ABCC9: variants seen among roughly 807,000 people sequenced by gnomAD.
The protein encoded by ABCC9 is ATP binding cassette subfamily C member 9.
ABCC9 carries 95 observed loss-of-function variants against 188.3 expected under a neutral mutation model. The ratio of observed to expected loss-of-function variants is 0.50; its 90% CI spans 0.43 to 0.60. The LOEUF (loss-of-function observed/expected upper bound fraction) is 0.60. Among genes scored for constraint, ABCC9 ranks in the 20% least tolerant of loss-of-function variants. The probability of loss-of-function intolerance (pLI) is 0.00; values close to 1 mark genes in which losing one functional copy is unlikely to be tolerated. For synonymous variants in ABCC9, 659 were observed against 652.7 expected, an observed-to-expected ratio of 1.01 and a Z score of -0.15; for missense variants, 1,102 against 1,876.3, an observed-to-expected ratio of 0.59 and a Z score of 7.62.
intron 32 of ABCC9, 133 bp downstream of exon 32, chr12:21,818,017 A>AC: frequency 2.8e-5 from 8 of 286,584 alleles, no homozygotes; most frequent in East Asian, 8.5e-5. Context: ...CCTCACCCCC[A>AC]CCCCCCAATA....
rs377661298 is a variant in ABCC9, at chr12:21,886,513, A to G, written c.1911+1313T>C. ...TTCTAACCATCATCCTCTCCTGCCT[A>G]TATTATTATAATGACTTCTTTACTG... On this transcript the variant is annotated intron_variant, in intron 15 of 39. Coordinates refer to ENST00000261200, the MANE Select transcript of ABCC9 (RefSeq NM_020297.4). 3.2e-4 allele frequency among the ~76,000 whole-genome samples: 49 copies of G among 152,170 alleles called. No individual in the cohort carries two copies. In the South Asian group the frequency reaches 9.7e-3, roughly 30 times the overall value.
At chr12:21,877,535 C>G (rs946372194) in intron 16 of ABCC9, among the ~76,000 whole-genome samples, 3 of 152,110 alleles carry the variant, frequency 2.0e-5, no homozygotes, top group African/African-American at 7.2e-5. Context: ...TATACAGCCT[C>G]AGAGGCTGAA....
At chr12:21,823,398 G>A (rs1423656656) in intron 31 of ABCC9, among the ~76,000 whole-genome samples, 1 of 152,056 alleles carries the variant, frequency 6.6e-6, no homozygotes, top group East Asian at 1.9e-4. Flanking sequence ...TAGCACTCAG[G>A]AGCACATTAT....
chr12:21,833,658 A>G (rs1418198149), intron 30 of ABCC9, among the ~76,000 whole-genome samples: 3 of 152,084 alleles, frequency 2.0e-5, no homozygotes, highest in Non-Finnish European at 4.4e-5. Context: ...AGAGGCTGTT[A>G]TATGTTGAAC....
chr12:21,808,193 G>A (rs1158524754), intron 37 of ABCC9, among the ~76,000 whole-genome samples: 1 of 151,874 alleles, frequency 6.6e-6, no homozygotes, highest in East Asian at 1.9e-4. Context: ...TATTCTAATG[G>A]TATCAAAGTC....
At chr12:21,806,469 T>C (rs1941853920) in intron 38 of ABCC9, among the ~76,000 whole-genome samples, 2 of 152,138 alleles carry the variant, frequency 1.3e-5, no homozygotes, top group Admixed American at 1.3e-4. Context: ...CTTTGACACA[T>C]AAATGGACAT....
intron 16 of ABCC9, among the ~76,000 whole-genome samples, chr12:21,878,857 A>C (rs946468128): frequency 5.9e-5 from 9 of 152,154 alleles, no homozygotes; most frequent in African/African-American, 2.2e-4. Context: ...TGCCATTTAC[A>C]CTTCCATTCC....
chr12:21,846,574 C>CT (rs1427871770), intron 25 of ABCC9, among the ~76,000 whole-genome samples: 1 of 152,082 alleles, frequency 6.6e-6, no homozygotes, highest in Non-Finnish European at 1.5e-5. Flanking sequence ...CTTGTCTTTA[C>CT]TTTTTAGGTT....
At position 21,882,819 on chromosome 12, in the gene ABCC9, C is replaced by A; in HGVS notation, c.1966G>T (p.Glu656Ter). The A allele has an allele frequency of 6.2e-7, 1 of 1,614,084 alleles. No individual in the cohort carries two copies. The highest frequency in any genetic ancestry group is 1.7e-5 in the Admixed American group (1 of 60,018). ...QPGRYHLDSYEQSTRRLRPAE... is the reference protein window; with the variant it reads ...QPGRYHLDSY ...GGACGTAGACGCCGTGTTGATTGCT[C>A]ATAGCTGTCCAGGTGATATCTTCCA... The change falls in exon 16 of 40, where the codon GAG (glutamate) becomes TAG (stop). Residue 656 changes from glutamate to a stop codon, truncating the protein, a stop_gained. Transcript: ENST00000261200. LOFTEE classifies it high-confidence loss of function.
intron 5 of ABCC9, among the ~76,000 whole-genome samples, chr12:21,917,661 G>A (rs1948655312): frequency 6.6e-6 from 1 of 152,086 alleles, no homozygotes; most frequent in South Asian, 2.1e-4. Flanking sequence ...CTTTCACATA[G>A]CACAAAGAAC....
At chr12:21,818,505 TAACTATATA>T in intron 31 of ABCC9, among the ~76,000 whole-genome samples, 3 of 143,142 alleles carry the variant, frequency 2.1e-5, no homozygotes, top group African/African-American at 7.7e-5. Context: ...TATCTATATA[TAACTATATA>T]GATATATATA....
chr12:21,832,605 T>G (rs570178461), intron 30 of ABCC9, among the ~76,000 whole-genome samples: 1 of 151,096 alleles, frequency 6.6e-6, no homozygotes, highest in African/African-American at 2.4e-5. Context: ...AGAATGGCCA[T>G]AGTTTAAAAA....
intron 7 of ABCC9, 92 bp downstream of exon 7, chr12:21,915,567 CAGTGGCCCA>C: frequency 8.8e-7 from 1 of 1,133,318 alleles, no homozygotes; most frequent in Non-Finnish European, 1.2e-6. Context: ...GGCTGGAGTG[CAGTGGCCCA>C]ATCCTGGCTC....
At chr12:21,829,187 ATTTCTT>A in intron 30 of ABCC9, 127 bp from the exon 31 acceptor site, 1 of 143,402 alleles carries the variant, frequency 7.0e-6, no homozygotes, top group South Asian at 6.9e-5. Context: ...CAGTAAATAG[ATTTCTT>A]TTTTTTTTTT....
intron 14 of ABCC9, among the ~76,000 whole-genome samples, chr12:21,892,642 TG>T (rs1006025754): frequency 1.3e-5 from 2 of 152,214 alleles, no homozygotes; most frequent in African/African-American, 2.4e-5. Flanking sequence ...GCTCTAGAAC[TG>T]GTTGTTAATG....
Position 21,800,930 on chromosome 12 carries a change from TGCAAAAA to T in ABCC9, c.*107_*113del. Reference sequence around the variant, plus strand: ...AGGAAAAATAAATGTCCACTTTTTGTGCAAAAATCTGTAAAAGTTTTAAGATGCCACT... The same window carrying T: ...AGGAAAAATAAATGTCCACTTTTTGTTCTGTAAAAGTTTTAAGATGCCACT... On this transcript the variant is annotated 3_prime_UTR_variant, in exon 40 of 40. Coordinates refer to ENST00000261200, the MANE Select transcript of ABCC9 (RefSeq NM_020297.4). The T allele has an allele frequency of 7.9e-7, 1 of 1,266,490 alleles. No homozygotes were observed. The highest frequency in any genetic ancestry group is 1.1e-6 in the Non-Finnish European group (1 of 902,556). 78.5% of individuals were successfully genotyped at this position (1,266,490 alleles called of 1,614,324 possible).
At chr12:21,894,683 C>T (rs1330756433) in intron 13 of ABCC9, among the ~76,000 whole-genome samples, 1 of 151,954 alleles carries the variant, frequency 6.6e-6, no homozygotes, top group East Asian at 1.9e-4. Flanking sequence ...GATCATGGCT[C>T]ACTGCAGCCT....
At chr12:21,827,586 A>G (rs1002913962) in intron 31 of ABCC9, among the ~76,000 whole-genome samples, 4 of 151,578 alleles carry the variant, frequency 2.6e-5, no homozygotes, top group African/African-American at 9.7e-5. Context: ...ATATCAAAAC[A>G]AGGAATTAAA....
chr12:21,910,116 T>C, intron 10 of ABCC9, 41 bp downstream of exon 10: 1 of 1,567,142 alleles, frequency 6.4e-7, no homozygotes, highest in Non-Finnish European at 8.8e-7. Flanking sequence ...TTGTTTTATT[T>C]CCTCTGCAGA....
Sources: gnomAD v4.1 joint callset for allele counts (sites outside exome capture counted in the v4.1 genomes callset) on GRCh38, gnomAD v4.1.1 for gene constraint, MANE v1.5 for transcripts, NCBI Gene and HGNC (gene_info 2026-07-23, HGNC 2026-07-21) for gene names.